The following LAMP1 variants were observed in gnomAD, a reference collection of about 807,000 sequenced individuals.
The protein encoded by LAMP1 is lysosome-associated membrane glycoprotein 1.
Under a neutral mutation model 37.5 loss-of-function variants are expected in LAMP1, and 7 were observed. The ratio of observed to expected loss-of-function variants is 0.19; its 90% confidence interval spans 0.11 to 0.35. The LOEUF is 0.35. Ranked by LOEUF, LAMP1 falls within the 10% of genes least tolerant of loss-of-function variation. The pLI is 1.00. For missense variants in LAMP1, 537 were observed against 552.8 expected, an observed-to-expected ratio of 0.97 and a Z score of 0.29; for synonymous variants, 236 against 229.1, an observed-to-expected ratio of 1.03 and a Z score of -0.27.
intron 1 of LAMP1, among the ~76,000 whole-genome samples, chr13:113,299,561 C>T (rs906823442): frequency 5.4e-5 from 8 of 148,448 alleles, no homozygotes; most frequent in Non-Finnish European, 1.0e-4. Context: ...CCGTACTTGG[C>T]CCAAGAATTT....
intron 5 of LAMP1, 28 bp downstream of exon 5, chr13:113,319,684 G>T: frequency 1.3e-6 from 2 of 1,598,236 alleles, no homozygotes; most frequent in Admixed American, 3.4e-5. Context: ...CCTGGGAGAG[G>T]GGGACGGCAC....
intron 3 of LAMP1, among the ~76,000 whole-genome samples, chr13:113,310,160 C>T (rs1299138646): frequency 1.3e-4 from 19 of 151,938 alleles, no homozygotes; most frequent in Admixed American, 1.2e-3. Flanking sequence ...ACCCAGGAGG[C>T]AGAGGTTGCA....
chr13:113,310,970 C>G (rs1252758152), intron 4 of LAMP1, 103 bp downstream of exon 4: 2 of 973,368 alleles, frequency 2.1e-6, no homozygotes, highest in Non-Finnish European at 3.1e-6. Flanking sequence ...TGGGCTCTGC[C>G]TGGAACGCGT....
chr13:113,298,038 G>A (rs1364307696), intron 1 of LAMP1, among the ~76,000 whole-genome samples: 1 of 152,194 alleles, frequency 6.6e-6, no homozygotes, highest in Non-Finnish European at 1.5e-5. Flanking sequence ...TGGAGGAGAT[G>A]CGAGTGTATT....
At chr13:113,318,957 C>A (rs1207144606) in intron 4 of LAMP1, among the ~76,000 whole-genome samples, 1 of 152,218 alleles carries the variant, frequency 6.6e-6, no homozygotes, top group Non-Finnish European at 1.5e-5. Context: ...GTGCTGCAGA[C>A]CCTCTGTTTC....
chr13:113,311,166 C>T (rs1242028740), intron 4 of LAMP1, among the ~76,000 whole-genome samples: 1 of 150,520 alleles, frequency 6.6e-6, no homozygotes, highest in Non-Finnish European at 1.5e-5. Flanking sequence ...CGGCGGGGGG[C>T]GGGTAGAGAG....
At position 113,321,675 on chromosome 13, in the gene LAMP1, A is replaced by G. The variant is rs750958739; in HGVS notation, c.1062A>G (p.Ile354Met). Residue 354 changes from isoleucine (I) to methionine (M), a missense_variant, in exon 8 of 9, where the codon ATA becomes ATG. Coordinates refer to ENST00000332556, the MANE Select transcript of LAMP1 (RefSeq NM_005561.4). The surrounding 1 kb of genome is among the most constrained non-coding windows in gnomAD (Gnocchi z 5.6). ...TCACGAAGGCGTTTTCAGTCAATAT[A>G]TTCAAAGTGTGGGTCCAGGCTTTCA... ...VRVTKAFSVN[I>M]FKVWVQAFKV... The G allele has an allele frequency of 3.7e-6, 6 of 1,614,152 alleles. No individual in the cohort carries two copies. Among genetic ancestry groups the G allele is most frequent in the East Asian group, 4.5e-5 (2 of 44,884 alleles).
At position 113,321,362 on chromosome 13, in the gene LAMP1, T is replaced by A. The variant is rs2042698118; in HGVS notation, c.877-42T>A. 2 of 1,498,324 alleles carry A rather than the reference T, an allele frequency of 1.3e-6. No individual in the cohort carries two copies. Among genetic ancestry groups the A allele is most frequent in the African/African-American group, 1.4e-5 (1 of 72,590 alleles). The allele number at this position is 1,498,324 out of a possible 1,614,324, so 92.8% of individuals were successfully genotyped here. ...CTACTGGGGTTAAAGATCATCTTTC[T>A]ATGAATCTGCTCCGTGATTAAAGAT... On this transcript the variant is annotated intron_variant, in intron 6 of 8. Transcript: ENST00000332556. This position sits in a 1 kb window ranked among gnomAD's most constrained non-coding sequence, Gnocchi z 5.6.
Position 113,320,721 on chromosome 13 carries a change from G to T in LAMP1, c.876+251G>T. 2.0e-6 allele frequency: 1 copy of T among 494,374 alleles called. No individual in the cohort carries two copies. The allele number at this position is 494,374 out of a possible 1,614,324, so 30.6% of individuals were successfully genotyped here. ...GAGTGGCTGCAGGGGAGGGCATGCA[G>T]GCCGTGCGGCCTTCTGGCTTCAGAT... On this transcript the variant is annotated intron_variant, in intron 6 of 8. Coordinates refer to ENST00000332556, the MANE Select transcript of LAMP1 (RefSeq NM_005561.4). This position sits in a 1 kb window ranked among gnomAD's most constrained non-coding sequence, Gnocchi z 4.4.
chr13:113,312,094 T>C (rs2042633519), intron 4 of LAMP1, among the ~76,000 whole-genome samples: 1 of 152,164 alleles, frequency 6.6e-6, no homozygotes, highest in Non-Finnish European at 1.5e-5. Flanking sequence ...GCAGTCTTGC[T>C]TAAAGGCTGA....
intron 4 of LAMP1, among the ~76,000 whole-genome samples, chr13:113,313,909 C>T (rs1595461314): frequency 1.9e-5 from 2 of 104,782 alleles, no homozygotes; most frequent in Non-Finnish European, 1.7e-5. Flanking sequence ...CGTGGAGATG[C>T]CGGTGTGCCT....
intron 4 of LAMP1, among the ~76,000 whole-genome samples, chr13:113,316,812 G>A (rs565416457): frequency 6.6e-5 from 10 of 151,686 alleles, no homozygotes; most frequent in African/African-American, 2.4e-4. Flanking sequence ...GGAGGTTGCA[G>A]TGAGCTGAGA....
intron 1 of LAMP1, among the ~76,000 whole-genome samples, chr13:113,300,337 C>T (rs138349490): frequency 9.2e-5 from 14 of 152,078 alleles, no homozygotes; most frequent in African/African-American, 3.4e-4. Context: ...AAAAATTAGC[C>T]AGGCGTGGTG....
intron 4 of LAMP1, among the ~76,000 whole-genome samples, chr13:113,318,877 A>C (rs1209631473): frequency 6.6e-6 from 1 of 152,078 alleles, no homozygotes; most frequent in Non-Finnish European, 1.5e-5. Flanking sequence ...GTCCTCATGG[A>C]GACTGCCTGA....
intron 4 of LAMP1, among the ~76,000 whole-genome samples, chr13:113,315,974 G>A (rs981931806): frequency 7.9e-5 from 12 of 152,110 alleles, no homozygotes; most frequent in Admixed American, 7.9e-4. Flanking sequence ...GTGGTGGCAG[G>A]TGCCTGTAGT....
rs2139377501 is a variant in LAMP1 at position 113,321,736 on chromosome 13, C to A, written c.1114+9C>A. 2.5e-6 allele frequency: 4 copies of A among 1,613,234 alleles called. No individual in the cohort carries two copies. The African/African-American group carries it at 5.3e-5, about 21-fold the overall frequency. On this transcript the variant is annotated intron_variant, in intron 8 of 8. Coordinates refer to ENST00000332556, the MANE Select transcript of LAMP1 (RefSeq NM_005561.4). The surrounding 1 kb of genome is among the most constrained non-coding windows in gnomAD (Gnocchi z 5.6). ...TGGCCAGTTTGGCTCTGGTGAGTGT[C>A]ACCGAGGGCAGCTGTCGCGGGGTGT...
chr13:113,313,062 G>C (rs1489307720), intron 4 of LAMP1, among the ~76,000 whole-genome samples: 1 of 152,094 alleles, frequency 6.6e-6, no homozygotes, highest in Non-Finnish European at 1.5e-5. Flanking sequence ...CCTTGTCCGG[G>C]GACTCCCTAC....
In LAMP1 at chr13:113,319,474, C is replaced by T. The variant is rs371918328; in HGVS notation, c.568C>T (p.Arg190Cys). ...SNSSFSRGET[R>C]CEQDRPSPTT... ...TCCCTCCACTGCACCTGCAGAGACA[C>T]GCTGTGAACAAGACAGGCCTTCCCC... Residue 190 changes from arginine (R) to cysteine (C), a missense_variant, in exon 5 of 9, where the codon CGC becomes TGC. Coordinates refer to ENST00000332556, the MANE Select transcript of LAMP1 (RefSeq NM_005561.4). The T allele has an allele frequency of 3.9e-5, 62 of 1,607,886 alleles. No individual in the cohort carries two copies. Among genetic ancestry groups the T allele is most frequent in the African/African-American group, 6.7e-5 (5 of 74,826 alleles).
intron 3 of LAMP1, among the ~76,000 whole-genome samples, chr13:113,310,135 A>C (rs774323270): frequency 1.3e-5 from 2 of 152,100 alleles, no homozygotes; most frequent in Non-Finnish European, 2.9e-5. Context: ...AGGCTGAGGC[A>C]GGAGAATCGC....
Sources: allele counts gnomAD v4.1 joint callset (sites outside exome capture counted in the v4.1 genomes callset), GRCh38; gene constraint gnomAD v4.1.1; non-coding constraint Gnocchi (gnomAD v3.1); transcripts MANE v1.5; gene names NCBI Gene and HGNC (gene_info 2026-07-23, HGNC 2026-07-21).